Variants in SMAD6 observed in about 807,000 individuals in gnomAD.
The protein encoded by SMAD6 is SMAD family member 6, also known as MAD homolog 6.
In SMAD6, 103 loss-of-function variants were observed where a neutral mutation model predicts 39.4. The ratio of observed to expected loss-of-function variants is 2.62; its 90% CI spans 2.23 to 3.08. SMAD6 has a LOEUF of 3.08. SMAD6 is among the 30% of genes most tolerant of loss of function. The pLI is 0.00. For missense variants in SMAD6, 1,104 were observed against 742.9 expected, an observed-to-expected ratio of 1.49 and a Z score of -5.65; for synonymous variants, 445 against 353.3, an observed-to-expected ratio of 1.26 and a Z score of -2.91.
intron 3 of SMAD6, among the ~76,000 whole-genome samples, chr15:66,752,316 G>T (rs1216818100): frequency 6.6e-6 from 1 of 152,156 alleles, no homozygotes; most frequent in Non-Finnish European, 1.5e-5. Context: ...GAGAGCCCCG[G>T]GCTCATGCTC....
intron 3 of SMAD6, among the ~76,000 whole-genome samples, chr15:66,755,531 T>C (rs1595789821): frequency 6.6e-6 from 1 of 152,166 alleles, no homozygotes; most frequent in Non-Finnish European, 1.5e-5. Flanking sequence ...CAGGGACTGA[T>C]GGAGGGAACC....
At chr15:66,780,763 T>C (rs1160186105) in intron 3 of SMAD6, among the ~76,000 whole-genome samples, 2 of 152,228 alleles carry the variant, frequency 1.3e-5, no homozygotes, top group African/African-American at 2.4e-5. Flanking sequence ...GCTTGCACTC[T>C]GTGGCTCATA....
At position 66,703,501 on chromosome 15, in the gene SMAD6, G is replaced by C. The variant is rs1893026640; in HGVS notation, c.243G>C (p.Gly81=). The C allele has an allele frequency of 8.1e-7, 1 of 1,227,232 alleles. No homozygotes were observed. Among genetic ancestry groups the C allele is most frequent in the Admixed American group, 4.3e-5 (1 of 23,068 alleles). 76.0% of individuals were successfully genotyped at this position (1,227,232 alleles called of 1,614,324 possible). A position where few individuals can be genotyped will look rare whatever the true frequency, so the allele number is the denominator to read the frequency against. ...AVGQRGAQGA[G]RRRRAGGPPR... is the part of the protein sequence containing the mutation. ...GACAGCGAGGCGCCCAGGGCGCGGGGAGGCGCCGGCGCGCAGGGGGCCCCC... is the reference window on the plus strand; with the variant it reads ...GACAGCGAGGCGCCCAGGGCGCGGGCAGGCGCCGGCGCGCAGGGGGCCCCC... Residue 81 remains glycine, a synonymous_variant, in exon 1 of 4, where the codon GGG becomes GGC. Coordinates refer to ENST00000288840, the MANE Select transcript of SMAD6 (RefSeq NM_005585.5).
intron 1 of SMAD6, chr15:66,708,792 A>C (rs1473943413): frequency 4.3e-6 from 2 of 464,142 alleles, no homozygotes; most frequent in East Asian, 7.0e-5. Flanking sequence ...AGTGACTGCC[A>C]ATGGGGATGG....
chr15:66,782,754 A>G lies in SMAD6; in HGVS notation c.*1219A>G, dbSNP rs934181064. 1 of 152,260 alleles carries G rather than the reference A, an allele frequency of 6.6e-6. No individual in the cohort carries two copies. The highest frequency in any genetic ancestry group is 2.4e-5 in the African/African-American group (1 of 41,470). 9.4% of individuals were successfully genotyped at this position (152,260 alleles called of 1,614,324 possible). A position where few individuals can be genotyped will look rare whatever the true frequency, so the allele number is the denominator to read the frequency against. On this transcript the variant is annotated 3_prime_UTR_variant, in exon 4 of 4. Coordinates refer to ENST00000288840, the MANE Select transcript of SMAD6 (RefSeq NM_005585.5). ...ATAACTAAGAGGAATGTTTCATTGT[A>G]TATCTTTTTTCTTGGAGATTTATAT...
intron 3 of SMAD6, among the ~76,000 whole-genome samples, chr15:66,726,197 G>C (rs1446300602): frequency 6.6e-6 from 1 of 152,208 alleles, no homozygotes; most frequent in Non-Finnish European, 1.5e-5. Flanking sequence ...GAGGACTCTA[G>C]GCTGCTCCCT....
Position 66,703,462 on chromosome 15 carries a change from C to T in SMAD6, c.204C>T (p.Pro68=), listed in dbSNP as rs913314879. The change falls in exon 1 of 4, where the codon CCC becomes CCT. Residue 68 remains proline, a synonymous_variant. Coordinates refer to ENST00000288840, the MANE Select transcript of SMAD6 (RefSeq NM_005585.5). ...TCCGCCCGGTAGCCCCGCGGCGGCCCCGGGACGCAGTGGGACAGCGAGGCG... is the reference window on the plus strand; with the variant it reads ...TCCGCCCGGTAGCCCCGCGGCGGCCTCGGGACGCAGTGGGACAGCGAGGCG... The part of the protein sequence containing the change: ...SEVRPVAPRR[P]RDAVGQRGAQ... 7.9e-7 allele frequency: 1 copy of T among 1,266,226 alleles called. No individual in the cohort carries two copies. The highest frequency in any genetic ancestry group is 3.2e-5 in the East Asian group (1 of 31,504). 78.4% of individuals were successfully genotyped at this position (1,266,226 alleles called of 1,614,324 possible). A position where few individuals can be genotyped will look rare whatever the true frequency, so the allele number is the denominator to read the frequency against.
intron 1 of SMAD6, 61 bp downstream of exon 1, chr15:66,704,136 C>T (rs1167699770): frequency 3.9e-6 from 5 of 1,271,372 alleles, no homozygotes; most frequent in Non-Finnish European, 5.1e-6. Flanking sequence ...CTTCCGTGCC[C>T]TTCTCTCTGT....
intron 1 of SMAD6, chr15:66,706,480 C>T (rs1893113236): frequency 6.6e-6 from 1 of 152,280 alleles, no homozygotes; most frequent in Non-Finnish European, 1.5e-5. Context: ...ATCCTCTTGC[C>T]CCTGGCCTGA....
At chr15:66,754,197 T>C (rs562129906) in intron 3 of SMAD6, among the ~76,000 whole-genome samples, 67 of 152,220 alleles carry the variant, frequency 4.4e-4, no homozygotes, top group Non-Finnish European at 7.9e-4. Context: ...TCTCAGTAAG[T>C]GGGCCAACCT....
At chr15:66,723,741 A>G (rs1445574352) in intron 3 of SMAD6, among the ~76,000 whole-genome samples, 1 of 152,234 alleles carries the variant, frequency 6.6e-6, no homozygotes, top group African/African-American at 2.4e-5. Flanking sequence ...GGAAAAAAGA[A>G]TCTACTACAT....
intron 3 of SMAD6, among the ~76,000 whole-genome samples, chr15:66,768,555 A>G (rs1363368419): frequency 1.3e-5 from 2 of 152,214 alleles, no homozygotes; most frequent in Middle Eastern, 3.4e-3. Context: ...ATTTTATTTC[A>G]TTTTATTTCG....
intron 3 of SMAD6, among the ~76,000 whole-genome samples, chr15:66,728,615 C>T (rs1159822724): frequency 2.0e-5 from 3 of 152,102 alleles, no homozygotes; most frequent in African/African-American, 4.8e-5. Context: ...CCATGTTGGT[C>T]AGGCTGGTCT....
chr15:66,761,926 G>A (rs886906073), intron 3 of SMAD6, among the ~76,000 whole-genome samples: 9 of 152,134 alleles, frequency 5.9e-5, no homozygotes, highest in African/African-American at 2.2e-4. Flanking sequence ...CTGGGGTGGT[G>A]TGTGGATTCC....
At position 66,737,632 on chromosome 15, in the gene SMAD6, A is replaced by G. The variant is rs576059346; in HGVS notation, c.952+21134A>G. Among the ~76,000 whole-genome samples the G allele has an allele frequency of 1.2e-4, 19 of 152,038 alleles. No homozygotes were observed. In the East Asian group the frequency reaches 1.4e-3, roughly 11 times the overall value. On this transcript the variant is annotated intron_variant, in intron 3 of 3. Coordinates refer to ENST00000288840, the MANE Select transcript of SMAD6 (RefSeq NM_005585.5). ...TTTCCCACCACTTCCTCCTTGGCAT[A>G]TAAGTTCTGTTTGCCTGGAGCCTAG...
At chr15:66,773,508 CT>C (rs1311182662) in intron 3 of SMAD6, among the ~76,000 whole-genome samples, 1 of 152,144 alleles carries the variant, frequency 6.6e-6, no homozygotes, top group Non-Finnish European at 1.5e-5. Flanking sequence ...GTGGAAACTC[CT>C]TTTTCCCTCT....
intron 3 of SMAD6, among the ~76,000 whole-genome samples, chr15:66,748,489 G>C (rs553182196): frequency 6.6e-6 from 1 of 152,248 alleles, no homozygotes; most frequent in East Asian, 1.9e-4. Context: ...TAAGGGCATT[G>C]GGTTACAACA....
chr15:66,770,359 A>AG (rs1260897373), intron 3 of SMAD6, among the ~76,000 whole-genome samples: 1 of 152,162 alleles, frequency 6.6e-6, no homozygotes, highest in Non-Finnish European at 1.5e-5. Context: ...GCCTGATGTA[A>AG]GGCCGGTGCG....
chr15:66,775,194 T>G (rs888165373), intron 3 of SMAD6, among the ~76,000 whole-genome samples: 1 of 152,078 alleles, frequency 6.6e-6, no homozygotes, highest in Non-Finnish European at 1.5e-5. Context: ...TAGATTAGTT[T>G]GCCTTTTCAA....
Sources: allele counts gnomAD v4.1 joint callset (sites outside exome capture counted in the v4.1 genomes callset), GRCh38; gene constraint gnomAD v4.1.1; transcripts MANE v1.5; gene names NCBI Gene and HGNC (gene_info 2026-07-23, HGNC 2026-07-21).